AUTS2: variants seen among roughly 807,000 people sequenced by gnomAD.
The protein encoded by AUTS2 is autism susceptibility gene 2 protein.
In AUTS2, 17 loss-of-function variants were observed where a neutral mutation model predicts 112.4. The observed-to-expected ratio is 0.15, with a 90% CI of 0.10 to 0.23. The LOEUF (loss-of-function observed/expected upper bound fraction) is 0.23. Ranked by LOEUF, AUTS2 falls within the 10% of genes least tolerant of loss-of-function variation. The pLI is 1.00. For synonymous variants in AUTS2, 751 were observed against 702.7 expected (o/e 1.07, Z -1.09); for missense variants, 1,510 against 1,701.6 (o/e 0.89, Z 1.98).
chr7:70,135,624 C>T (rs1461182068), intron 4 of AUTS2, among the ~76,000 whole-genome samples: 1 of 152,090 alleles, frequency 6.6e-6, no homozygotes, highest in African/African-American at 2.4e-5. Flanking sequence ...ATTTTCCAAG[C>T]TTAGCAAAAG....
chr7:70,290,314 G>C, intron 4 of AUTS2: 1 of 1,436,078 alleles, frequency 7.0e-7, no homozygotes, highest in Non-Finnish European at 9.1e-7. Flanking sequence ...TATTATATCA[G>C]AGGGCATTTA....
At chr7:69,979,202 G>A (rs747050991) in intron 2 of AUTS2, among the ~76,000 whole-genome samples, 4 of 152,180 alleles carry the variant, frequency 2.6e-5, no homozygotes, top group African/African-American at 4.8e-5. Context: ...ATAAGCTGTG[G>A]AGCATGGCCC....
At chr7:70,718,559 T>C (rs1327268065) in intron 6 of AUTS2, among the ~76,000 whole-genome samples, 1 of 152,116 alleles carries the variant, frequency 6.6e-6, no homozygotes, top group Non-Finnish European at 1.5e-5. Context: ...GCTACTTAGG[T>C]GGCTGAGGCA....
chr7:70,573,037 G>A (rs1239483725), intron 5 of AUTS2, among the ~76,000 whole-genome samples: 1 of 152,158 alleles, frequency 6.6e-6, no homozygotes, highest in Non-Finnish European at 1.5e-5. Flanking sequence ...GATGGACTTC[G>A]ACTCTTCGGA....
chr7:69,750,603 C>T (rs1260962546), intron 1 of AUTS2, among the ~76,000 whole-genome samples: 3 of 151,878 alleles, frequency 2.0e-5, no homozygotes. Flanking sequence ...TTAAGTGATC[C>T]TCCTCACTTA....
At chr7:69,930,918 C>T (rs769699103) in intron 2 of AUTS2, among the ~76,000 whole-genome samples, 7 of 152,084 alleles carry the variant, frequency 4.6e-5, no homozygotes, top group Non-Finnish European at 8.8e-5. Flanking sequence ...ATCCCAGTGC[C>T]ATCTTTAAGG....
chr7:69,872,158 G>A (rs1039940638), intron 1 of AUTS2, among the ~76,000 whole-genome samples: 6 of 152,194 alleles, frequency 3.9e-5, no homozygotes, highest in Admixed American at 2.6e-4. Flanking sequence ...CGATTGCACA[G>A]GTCACACACC....
intron 8 of AUTS2, 111 bp downstream of exon 8, chr7:70,765,116 C>G: frequency 7.1e-7 from 1 of 1,418,362 alleles, no homozygotes; most frequent in African/African-American, 1.4e-5. Context: ...ACAATTTTTT[C>G]CTTCCTTACT....
chr7:70,240,438 A>G (rs1321304937), intron 4 of AUTS2, among the ~76,000 whole-genome samples: 1 of 152,228 alleles, frequency 6.6e-6, no homozygotes, highest in South Asian at 2.1e-4. Context: ...TGGGTAAATG[A>G]TGGTAGTACA....
intron 4 of AUTS2, among the ~76,000 whole-genome samples, chr7:70,403,781 A>G (rs1794421543): frequency 6.6e-6 from 1 of 152,220 alleles, no homozygotes; most frequent in Admixed American, 6.5e-5. Context: ...AGGTTTGTTT[A>G]TGTGCTGGGC....
intron 2 of AUTS2, among the ~76,000 whole-genome samples, chr7:70,058,157 G>A (rs1159821870): frequency 2.0e-5 from 3 of 152,174 alleles, no homozygotes; most frequent in African/African-American, 4.8e-5. Flanking sequence ...AAGCCATTCA[G>A]TACAGTGTGA....
chr7:70,764,495 A>C (rs1442262496), intron 7 of AUTS2, among the ~76,000 whole-genome samples: 1 of 152,106 alleles, frequency 6.6e-6, no homozygotes, highest in Non-Finnish European at 1.5e-5. Context: ...GTTTAGGCAG[A>C]ATGAGCTGTC....
intron 2 of AUTS2, among the ~76,000 whole-genome samples, chr7:69,938,513 C>T (rs1584469194): frequency 6.6e-6 from 1 of 152,184 alleles, no homozygotes; most frequent in East Asian, 1.9e-4. Flanking sequence ...ATTGTATCCA[C>T]CATTGTGAGA....
intron 4 of AUTS2, among the ~76,000 whole-genome samples, chr7:70,416,966 C>A: frequency 6.6e-6 from 1 of 152,214 alleles, no homozygotes; most frequent in Non-Finnish European, 1.5e-5. Flanking sequence ...TGATTTGAAA[C>A]AAGCCTTGTG....
intron 6 of AUTS2, among the ~76,000 whole-genome samples, chr7:70,728,193 A>T (rs1787145739): frequency 1.3e-5 from 2 of 152,144 alleles, no homozygotes; most frequent in Non-Finnish European, 2.9e-5. Context: ...TTGCTTTGTG[A>T]TGCTGTCCTG....
chr7:70,118,365 C>A (rs1368599000), intron 3 of AUTS2, 132 bp downstream of exon 3: 2 of 1,079,362 alleles, frequency 1.9e-6, no homozygotes, highest in Admixed American at 3.4e-5. Flanking sequence ...CCAAGCATTG[C>A]GGTTCACATT....
intron 2 of AUTS2, among the ~76,000 whole-genome samples, chr7:70,061,951 C>A (rs2129560856): frequency 6.6e-6 from 1 of 151,732 alleles, no homozygotes; most frequent in East Asian, 2.0e-4. Context: ...CCATGCCCAG[C>A]TAATTTTTCT....
chr7:69,714,905 T>TCA (rs1798527068), intron 1 of AUTS2, among the ~76,000 whole-genome samples: 1 of 150,954 alleles, frequency 6.6e-6, no homozygotes, highest in Non-Finnish European at 1.5e-5. Flanking sequence ...TCAGCATACT[T>TCA]TATATATATA....
chr7:70,513,745 C>T (rs574985558), intron 5 of AUTS2, among the ~76,000 whole-genome samples: 2 of 151,144 alleles, frequency 1.3e-5, no homozygotes, highest in African/African-American at 4.9e-5. Context: ...ACTGCAACCT[C>T]TGCTCCTGGA....
Sources: gnomAD v4.1 joint callset for allele counts (sites outside exome capture counted in the v4.1 genomes callset) on GRCh38, gnomAD v4.1.1 for gene constraint, MANE v1.5 for transcripts, NCBI Gene and HGNC (gene_info 2026-07-23, HGNC 2026-07-21) for gene names.